SNTG2: variants seen among roughly 807,000 people sequenced by gnomAD.
SNTG2 encodes syntrophin gamma 2.
A neutral mutation model predicts 70.9 loss-of-function variants in SNTG2; 74 were observed. That is an observed-to-expected ratio of 1.04 (90% confidence interval 0.86 to 1.27). The LOEUF (loss-of-function observed/expected upper bound fraction) is 1.27. Among genes scored for constraint, SNTG2 ranks in the 50% most tolerant of loss-of-function variants. The pLI, the probability that SNTG2 is intolerant of heterozygous loss-of-function variation, is 0.00. For synonymous variants in SNTG2, 278 were observed against 273.8 expected, an observed-to-expected ratio of 1.02 and a Z score of -0.15; for missense variants, 717 against 690.7, an observed-to-expected ratio of 1.04 and a Z score of -0.43.
intron 4 of SNTG2, among the ~76,000 whole-genome samples, chr2:1,118,010 G>C (rs1006620461): frequency 1.3e-5 from 2 of 151,620 alleles, no homozygotes; most frequent in Admixed American, 6.6e-5. Flanking sequence ...CAGCCCCCCA[G>C]GGTCAGAACC....
intron 4 of SNTG2, among the ~76,000 whole-genome samples, chr2:1,114,104 T>G (rs1350952320): frequency 1.3e-5 from 2 of 151,674 alleles, no homozygotes; most frequent in Non-Finnish European, 2.9e-5. Flanking sequence ...GGGTTAACCC[T>G]TACAGTCCTT....
At position 1,039,327 on chromosome 2, in the gene SNTG2, A is replaced by G. The variant is rs548741543; in HGVS notation, c.73-44191A>G. ...TTTTCTCACAATTAGATTGCATTTT[A>G]AATACCGTTTAAGCAGGTAGACGTC... is the stretch of plus-strand genomic sequence containing the variant. On this transcript the variant is annotated intron_variant, in intron 1 of 16. Transcript: ENST00000308624. 2.6e-4 allele frequency among the ~76,000 whole-genome samples: 40 copies of G among 152,338 alleles called. 1 individual carries two copies. Among genetic ancestry groups the G allele is most frequent in the Admixed American group, 1.2e-3 (18 of 15,298 alleles).
intron 12 of SNTG2, among the ~76,000 whole-genome samples, chr2:1,249,846 C>T (rs1677650577): frequency 6.6e-6 from 1 of 152,124 alleles, no homozygotes. Flanking sequence ...AAAATGCAGG[C>T]GAGTCTTCCC....
At chr2:1,328,402 C>G (rs1681845843) in intron 16 of SNTG2, among the ~76,000 whole-genome samples, 1 of 152,092 alleles carries the variant, frequency 6.6e-6, no homozygotes, top group African/African-American at 2.4e-5. Flanking sequence ...AGCTTTACAC[C>G]TGAGAAGAAG....
intron 1 of SNTG2, among the ~76,000 whole-genome samples, chr2:1,020,442 C>T (rs1365420454): frequency 6.6e-6 from 1 of 152,202 alleles, no homozygotes; most frequent in African/African-American, 2.4e-5. Context: ...GGGACATCTG[C>T]AGAAGGACTT....
chr2:1,230,290 T>A (rs1676125215), intron 9 of SNTG2, among the ~76,000 whole-genome samples: 1 of 152,208 alleles, frequency 6.6e-6, no homozygotes, highest in South Asian at 2.1e-4. Context: ...CAGACACAAT[T>A]TTATAAACAG....
At chr2:1,330,161 C>T (rs139260516) in intron 16 of SNTG2, among the ~76,000 whole-genome samples, 335 of 152,316 alleles carry the variant, frequency 2.2e-3, no homozygotes, top group African/African-American at 7.6e-3. Context: ...TTCAGCTCAA[C>T]AATTCTCAGT....
intron 16 of SNTG2, among the ~76,000 whole-genome samples, chr2:1,355,165 C>T (rs1660776648): frequency 6.6e-6 from 1 of 152,202 alleles, no homozygotes; most frequent in Non-Finnish European, 1.5e-5. Flanking sequence ...TGGGAAATCA[C>T]GTAATCTTTC....
intron 12 of SNTG2, 78 bp from the exon 13 acceptor site, chr2:1,259,292 C>A: frequency 1.6e-6 from 2 of 1,264,274 alleles, no homozygotes; most frequent in Non-Finnish European, 2.3e-6. Flanking sequence ...CACATGCAGT[C>A]ACACTATTGT....
chr2:1,244,789 A>C (rs1342350709), intron 11 of SNTG2, among the ~76,000 whole-genome samples: 4 of 151,826 alleles, frequency 2.6e-5, no homozygotes, highest in Non-Finnish European at 5.9e-5. Flanking sequence ...CTTTGATGCT[A>C]ATCAGTAAAA....
intron 15 of SNTG2, among the ~76,000 whole-genome samples, chr2:1,311,984 C>T (rs1411313650): frequency 6.6e-6 from 1 of 152,094 alleles, no homozygotes; most frequent in Non-Finnish European, 1.5e-5. Flanking sequence ...CATCCTCCTT[C>T]GAAGCCTGTG....
intron 1 of SNTG2, among the ~76,000 whole-genome samples, chr2:1,078,848 G>C (rs1664094588): frequency 6.6e-6 from 1 of 152,130 alleles, no homozygotes. Context: ...GGACACTGAG[G>C]GTCAGGAGGG....
chr2:1,175,397 CT>C (rs1348830639), intron 8 of SNTG2, among the ~76,000 whole-genome samples: 3 of 152,166 alleles, frequency 2.0e-5, no homozygotes, highest in Non-Finnish European at 2.9e-5. Context: ...CTAACTCACT[CT>C]ATTTTTTCCA....
intron 1 of SNTG2, chr2:1,059,432 A>C (rs548181593): frequency 6.6e-6 from 1 of 152,338 alleles, no homozygotes; most frequent in African/African-American, 2.4e-5. Context: ...AAGCTTCTAC[A>C]ATGTGAAGTT....
At chr2:1,098,113 T>G in intron 2 of SNTG2, 83 bp from the exon 3 acceptor site, 1 of 1,464,540 alleles carries the variant, frequency 6.8e-7, no homozygotes, top group Non-Finnish European at 9.5e-7. Flanking sequence ...GTATTTGGGT[T>G]TAAATGAAGA....
At chr2:1,238,233 C>T (rs1676813619) in intron 10 of SNTG2, among the ~76,000 whole-genome samples, 1 of 151,996 alleles carries the variant, frequency 6.6e-6, no homozygotes. Flanking sequence ...GAGAATTTCC[C>T]ATCTGGTTTT....
At chr2:1,256,721 A>C (rs969727242) in intron 12 of SNTG2, 1 of 152,144 alleles carries the variant, frequency 6.6e-6, no homozygotes, top group African/African-American at 2.4e-5. Context: ...GAGAGGAAGG[A>C]TATCTGTGAA....
intron 1 of SNTG2, among the ~76,000 whole-genome samples, chr2:969,457 A>G (rs1660671357): frequency 2.0e-5 from 3 of 152,208 alleles, no homozygotes; most frequent in South Asian, 2.1e-4. Context: ...TACTTTGGAC[A>G]GTACATTTTA....
rs190400578 is a variant in SNTG2, at chr2:976,274, T to G, written c.72+25206T>G. Among the ~76,000 whole-genome samples the G allele has an allele frequency of 4.8e-3, 730 of 152,236 alleles. 9 individuals carry two copies. The highest frequency in any genetic ancestry group is 0.016 in the African/African-American group (645 of 41,532). On this transcript the variant is annotated intron_variant, in intron 1 of 16. Coordinates refer to ENST00000308624, the MANE Select transcript of SNTG2 (RefSeq NM_018968.4). ...GTAAAATTTTATCATGAAATAACAT[T>G]TGTGTTTGAGTGGTATTTTGAGTTG...
Sources: gnomAD v4.1 joint callset for allele counts (sites outside exome capture counted in the v4.1 genomes callset) on GRCh38, gnomAD v4.1.1 for gene constraint, MANE v1.5 for transcripts, NCBI Gene and HGNC (gene_info 2026-07-23, HGNC 2026-07-21) for gene names.